The following ODAD2 variants were observed in gnomAD, a reference collection of about 807,000 sequenced individuals.
ODAD2 encodes outer dynein arm docking complex subunit 2.
Under a neutral mutation model 106.8 loss-of-function variants are expected in ODAD2, and 89 were observed. The ratio of observed to expected loss-of-function variants is 0.83; its 90% CI spans 0.70 to 0.99. The LOEUF is 0.99. ODAD2 is among the 50% of genes least tolerant of loss of function. The pLI is 0.00. For synonymous variants in ODAD2, 404 were observed against 436.2 expected (o/e 0.93, Z 0.92); for missense variants, 1,168 against 1,238.5 (o/e 0.94, Z 0.85).
At chr10:27,925,897 T>A (rs1416615148) in intron 16 of ODAD2, among the ~76,000 whole-genome samples, 1 of 151,528 alleles carries the variant, frequency 6.6e-6, no homozygotes, top group Non-Finnish European at 1.5e-5. Context: ...GGAGTAACAT[T>A]TGGGAGGCTG....
At chr10:27,817,699 G>A (rs1401092649) in intron 19 of ODAD2, among the ~76,000 whole-genome samples, 2 of 152,042 alleles carry the variant, frequency 1.3e-5, no homozygotes, top group African/African-American at 4.8e-5. Context: ...GGCATTCTAT[G>A]GCATATATGT....
intron 19 of ODAD2, among the ~76,000 whole-genome samples, chr10:27,849,925 G>A (rs1190797385): frequency 6.6e-6 from 1 of 152,178 alleles, no homozygotes; most frequent in African/African-American, 2.4e-5. Context: ...TGCTCTAATT[G>A]CAGTAGGTGA....
chr10:27,907,504 G>C (rs1326797981), intron 17 of ODAD2, among the ~76,000 whole-genome samples, 159 bp downstream of exon 17: 1 of 151,190 alleles, frequency 6.6e-6, no homozygotes, highest in Non-Finnish European at 1.5e-5. Context: ...CAGAAAAAAA[G>C]CAATGCTCCG....
intron 17 of ODAD2, among the ~76,000 whole-genome samples, chr10:27,900,990 A>G (rs140153681): frequency 0.015 from 2,218 of 152,234 alleles, 66 homozygotes; most frequent in African/African-American, 0.051. Flanking sequence ...CTCGAGAAGA[A>G]CAACCCCAAG....
chr10:27,951,077 C>T (rs1421976149), intron 10 of ODAD2, among the ~76,000 whole-genome samples: 1 of 151,936 alleles, frequency 6.6e-6, no homozygotes, highest in Admixed American at 6.6e-5. Context: ...TTTAGATACA[C>T]ATGGAAAAAA....
chr10:27,981,913 A>C (rs769299244), intron 6 of ODAD2: 59 of 162,536 alleles, frequency 3.6e-4, no homozygotes, highest in Non-Finnish European at 6.1e-4. Context: ...CTGAAAATGC[A>C]TTATGACCTC....
chr10:27,846,424 G>C (rs1306422315), intron 19 of ODAD2, among the ~76,000 whole-genome samples: 1 of 152,254 alleles, frequency 6.6e-6, no homozygotes, highest in Non-Finnish European at 1.5e-5. Flanking sequence ...ATTTAAAGCA[G>C]TGTGTAGAGG....
intron 7 of ODAD2, among the ~76,000 whole-genome samples, chr10:27,979,344 T>C (rs1023572702): frequency 9.3e-5 from 14 of 150,144 alleles, no homozygotes; most frequent in Admixed American, 4.0e-4. Flanking sequence ...GAAAAAGAAA[T>C]TGCAAAAGAG....
chr10:27,918,736 G>A (rs1844567347), intron 16 of ODAD2, among the ~76,000 whole-genome samples: 1 of 151,842 alleles, frequency 6.6e-6, no homozygotes, highest in Non-Finnish European at 1.5e-5. Flanking sequence ...AGGATTGTGG[G>A]GGGAAGTGAA....
intron 19 of ODAD2, among the ~76,000 whole-genome samples, chr10:27,818,070 C>T (rs1351899136): frequency 6.6e-6 from 1 of 151,570 alleles, no homozygotes; most frequent in Admixed American, 6.6e-5. Context: ...CTGGAGATTT[C>T]ACTCTTCCAC....
chr10:27,901,337 C>A (rs554927357), intron 17 of ODAD2, among the ~76,000 whole-genome samples: 1 of 152,136 alleles, frequency 6.6e-6, no homozygotes, highest in Non-Finnish European at 1.5e-5. Flanking sequence ...AAGGAAAAAC[C>A]GGGACCAGCC....
chr10:27,940,525 A>C (rs1846331487), intron 13 of ODAD2, 38 bp downstream of exon 13: 1 of 1,605,248 alleles, frequency 6.2e-7, no homozygotes, highest in South Asian at 1.1e-5. Context: ...AAGAAAGTCA[A>C]GTTGAGAAGG....
At chr10:27,956,441 C>G (rs11592099) in intron 10 of ODAD2, among the ~76,000 whole-genome samples, 57,248 of 152,042 alleles carry the variant, frequency 0.38, 12,132 homozygotes, top group Middle Eastern at 0.59. Context: ...AATAAGACCG[C>G]CTGGATGAAG....
chr10:27,975,835 G>C (rs1180155873), intron 7 of ODAD2, among the ~76,000 whole-genome samples: 2 of 151,834 alleles, frequency 1.3e-5, no homozygotes, highest in African/African-American at 4.8e-5. Flanking sequence ...ACCAAAACCA[G>C]ACAAAGATAC....
intron 17 of ODAD2, among the ~76,000 whole-genome samples, chr10:27,870,799 G>C (rs1365027805): frequency 6.6e-6 from 1 of 152,272 alleles, no homozygotes; most frequent in Middle Eastern, 3.4e-3. Context: ...ATTGTGAATA[G>C]TGCCACAATA....
At chr10:27,934,229 T>C (rs1026796459) in intron 16 of ODAD2, among the ~76,000 whole-genome samples, 3 of 151,992 alleles carry the variant, frequency 2.0e-5, no homozygotes, top group African/African-American at 7.2e-5. Context: ...AATTACCCAG[T>C]TTCGGGTATG....
At chr10:27,875,006 T>C (rs1841215518) in intron 17 of ODAD2, among the ~76,000 whole-genome samples, 1 of 152,224 alleles carries the variant, frequency 6.6e-6, no homozygotes, top group East Asian at 1.9e-4. Flanking sequence ...CAGATGTAGA[T>C]TTGGTCTTTT....
At chr10:27,832,203 T>TA (rs1390534979) in intron 19 of ODAD2, among the ~76,000 whole-genome samples, 1 of 152,210 alleles carries the variant, frequency 6.6e-6, no homozygotes, top group Non-Finnish European at 1.5e-5. Context: ...TCAGAATCCT[T>TA]AAAACATATC....
chr10:27,897,461 T>C (rs1260401075), intron 17 of ODAD2, among the ~76,000 whole-genome samples: 3 of 152,184 alleles, frequency 2.0e-5, no homozygotes. Context: ...AAATCCAAAA[T>C]TCAAACATCC....
Sources: allele counts gnomAD v4.1 joint callset (sites outside exome capture counted in the v4.1 genomes callset), GRCh38; gene constraint gnomAD v4.1.1; transcripts MANE v1.5; gene names NCBI Gene and HGNC (gene_info 2026-07-23, HGNC 2026-07-21).